Variants in RUBCN observed in about 807,000 individuals in gnomAD.
RUBCN encodes rubicon autophagy regulator, also known as run domain Beclin-1-interacting and cysteine-rich domain-containing protein.
RUBCN carries 74 observed loss-of-function variants against 113.2 expected under a neutral mutation model. The ratio of observed to expected loss-of-function variants is 0.65; its 90% CI spans 0.54 to 0.79. The LOEUF (loss-of-function observed/expected upper bound fraction) is 0.79. Among genes scored for constraint, RUBCN ranks in the 30% least tolerant of loss-of-function variants. RUBCN has a pLI of 0.00. For missense variants in RUBCN, 1,109 were observed against 1,251.7 expected, an observed-to-expected ratio of 0.89 and a Z score of 1.72; for synonymous variants, 480 against 490.0, an observed-to-expected ratio of 0.98 and a Z score of 0.27.
chr3:197,744,887 T>C (rs1455457289), intron 1 of RUBCN, among the ~76,000 whole-genome samples: 1 of 152,142 alleles, frequency 6.6e-6, no homozygotes, highest in Non-Finnish European at 1.5e-5. Flanking sequence ...TAATATTTAT[T>C]CAGATTATCG....
In RUBCN at chr3:197,672,124, C is replaced by T. The variant is rs1398314683; in HGVS notation, c.*2894G>A. The T allele has an allele frequency of 6.6e-6, 1 of 152,234 alleles. No homozygotes were observed. The allele number at this position is 152,234 out of a possible 1,614,324, so 9.4% of individuals were successfully genotyped here. A position where few individuals can be genotyped will look rare whatever the true frequency, so the allele number is the denominator to read the frequency against. On this transcript the variant is annotated 3_prime_UTR_variant, in exon 20 of 20. Coordinates refer to ENST00000296343, the MANE Select transcript of RUBCN (RefSeq NM_014687.4). ...AACATCTCTACTAAGACTCGCACTC[C>T]TTTTATGTTAGTTCAACGAAAGCTC...
At chr3:197,707,974 A>AAT (rs1724509034) in intron 2 of RUBCN, among the ~76,000 whole-genome samples, 1 of 152,146 alleles carries the variant, frequency 6.6e-6, no homozygotes, top group African/African-American at 2.4e-5. Flanking sequence ...AAAAAAAAAA[A>AAT]AATAATAATA....
At chr3:197,688,943 T>A (rs1341871542) in intron 11 of RUBCN, among the ~76,000 whole-genome samples, 1 of 152,202 alleles carries the variant, frequency 6.6e-6, no homozygotes, top group Non-Finnish European at 1.5e-5. Flanking sequence ...ATGACAATGT[T>A]TTCAGGCTGG....
At chr3:197,677,760 C>T (rs1174158635) in intron 16 of RUBCN, among the ~76,000 whole-genome samples, 1 of 151,608 alleles carries the variant, frequency 6.6e-6, no homozygotes, top group Non-Finnish European at 1.5e-5. Flanking sequence ...CAACTGGCTT[C>T]AGACTGTCCT....
At chr3:197,731,249 A>G (rs937466392) in intron 1 of RUBCN, among the ~76,000 whole-genome samples, 12 of 152,080 alleles carry the variant, frequency 7.9e-5, no homozygotes, top group Admixed American at 2.0e-4. Flanking sequence ...ATCTTGCACC[A>G]CCCTCAATCC....
intron 4 of RUBCN, among the ~76,000 whole-genome samples, chr3:197,703,995 C>G (rs1026156350): frequency 6.6e-6 from 1 of 152,136 alleles, no homozygotes; most frequent in Admixed American, 6.5e-5. Context: ...ACAGGAAACT[C>G]GTGGTAAATG....
At chr3:197,746,398 A>T (rs939431938) in intron 1 of RUBCN, among the ~76,000 whole-genome samples, 1 of 152,318 alleles carries the variant, frequency 6.6e-6, no homozygotes, top group Non-Finnish European at 1.5e-5. Context: ...GGCACGCCTC[A>T]ATCATTCCAG....
chr3:197,727,920 GAC>G (rs1267565710), intron 1 of RUBCN, among the ~76,000 whole-genome samples: 2 of 152,278 alleles, frequency 1.3e-5, no homozygotes, highest in Non-Finnish European at 2.9e-5. Flanking sequence ...CGGGAGGAAA[GAC>G]AAAGTGTTTC....
intron 1 of RUBCN, among the ~76,000 whole-genome samples, chr3:197,718,987 G>T (rs879220436): frequency 1.3e-5 from 2 of 152,164 alleles, no homozygotes; most frequent in Admixed American, 6.5e-5. Context: ...GCCAACTTTT[G>T]CCCAGTGACT....
chr3:197,696,336 C>T (rs1722997380), intron 8 of RUBCN, among the ~76,000 whole-genome samples: 2 of 150,972 alleles, frequency 1.3e-5, no homozygotes, highest in Admixed American at 6.6e-5. Flanking sequence ...CGCACCACTG[C>T]ACTCCAGCCT....
At chr3:197,699,965 C>A (rs767758383) in intron 7 of RUBCN, among the ~76,000 whole-genome samples, 2 of 152,124 alleles carry the variant, frequency 1.3e-5, no homozygotes, top group African/African-American at 4.8e-5. Context: ...TACCACAAGC[C>A]GGGAAGGATG....
rs536743293 is a variant in RUBCN, at chr3:197,704,091, G to A, written c.464-437C>T. ...TTGTGTCTTACTTGGGAGGTGAGAG[G>A]TAAGTCTGGATATATGTTTCTGAGT... On this transcript the variant is annotated intron_variant, in intron 4 of 19. Coordinates refer to ENST00000296343, the MANE Select transcript of RUBCN (RefSeq NM_014687.4). Among the ~76,000 whole-genome samples the A allele has an allele frequency of 5.8e-4, 88 of 152,302 alleles. 1 individual carries two copies. Among genetic ancestry groups the A allele is most frequent in the African/African-American group, 2.1e-3 (87 of 41,562 alleles).
At chr3:197,737,193 A>C, upstream of RUBCN, 3 of 174,086 alleles carry the variant, frequency 1.7e-5, no homozygotes, top group Non-Finnish European at 3.6e-5. Context: ...ATCCTTATTC[A>C]CCCCCGTGAC....
Position 197,681,071 on chromosome 3 carries a change from G to C in RUBCN, c.2430+58C>G. 1 of 1,003,838 alleles carries C rather than the reference G, an allele frequency of 1.0e-6. No individual in the cohort carries two copies. Among genetic ancestry groups the C allele is most frequent in the Non-Finnish European group, 1.6e-6 (1 of 644,030 alleles). The allele number at this position is 1,003,838 out of a possible 1,614,324, so 62.2% of individuals were successfully genotyped here. Reference sequence around the variant, plus strand: ...GGAGGGGACGGGGGAGGGACGAGGGGAGGGGATGAGGGGAGGAGAAGGGCA... The same window carrying C: ...GGAGGGGACGGGGGAGGGACGAGGGCAGGGGATGAGGGGAGGAGAAGGGCA... On this transcript the variant is annotated intron_variant, in intron 16 of 19. Transcript: ENST00000296343. The surrounding 1 kb of genome is among the most constrained non-coding windows in gnomAD (Gnocchi z 5.5).
At chr3:197,727,798 T>C (rs1726923181) in intron 1 of RUBCN, among the ~76,000 whole-genome samples, 1 of 152,214 alleles carries the variant, frequency 6.6e-6, no homozygotes, top group Admixed American at 6.5e-5. Flanking sequence ...ATGAGACATA[T>C]AAGAAAGACA....
At chr3:197,694,894 A>G (rs1036435989) in intron 9 of RUBCN, among the ~76,000 whole-genome samples, 4 of 152,208 alleles carry the variant, frequency 2.6e-5, no homozygotes, top group African/African-American at 9.6e-5. Context: ...ATATTAAGAT[A>G]AATGCTATGT....
At chr3:197,708,554 C>CAAAAAAAAAAAAAAAAAAAAAAAAAAAAA (rs113534449) in intron 2 of RUBCN, among the ~76,000 whole-genome samples, 1 of 74,568 alleles carries the variant, frequency 1.3e-5, no homozygotes, top group African/African-American at 4.0e-5. Flanking sequence ...GTGGTAGACT[C>CAAAAAAAAAAAAAAAAAAAAAAAAAAAAA]AAAAAAAAAA....
At chr3:197,687,442 G>A (rs987086193) in intron 11 of RUBCN, among the ~76,000 whole-genome samples, 10 of 152,138 alleles carry the variant, frequency 6.6e-5, no homozygotes, top group African/African-American at 2.4e-4. Context: ...CCTTGTTTTT[G>A]CCTGCTCTGC....
chr3:197,736,905 C>A, upstream of RUBCN: 1 of 1,361,584 alleles, frequency 7.3e-7, no homozygotes, highest in Non-Finnish European at 9.4e-7. Context: ...TCCCGGCCAC[C>A]CCCACTTCCG....
Sources: gnomAD v4.1 joint callset for allele counts (sites outside exome capture counted in the v4.1 genomes callset) on GRCh38, gnomAD v4.1.1 for gene constraint, Gnocchi (gnomAD v3.1) non-coding constraint, MANE v1.5 for transcripts, NCBI Gene and HGNC (gene_info 2026-07-23, HGNC 2026-07-21) for gene names.